The following NOVA1 variants were observed in gnomAD, a reference collection of about 807,000 sequenced individuals.
The protein encoded by NOVA1 is RNA-binding protein Nova-1.
A neutral mutation model predicts 38.0 loss-of-function variants in NOVA1; 7 were observed. The observed-to-expected ratio is 0.18, with a 90% CI of 0.10 to 0.35. The LOEUF is 0.35. NOVA1 is among the 10% of genes least tolerant of loss of function. The probability of loss-of-function intolerance (pLI) is 1.00; values close to 1 mark genes in which losing one functional copy is unlikely to be tolerated. For missense variants in NOVA1, 460 were observed against 616.0 expected (o/e 0.75, Z 2.68); for synonymous variants, 270 against 232.5 (o/e 1.16, Z -1.47).
chr14:26,498,514 A>G (rs1886987354), intron 2 of NOVA1, among the ~76,000 whole-genome samples: 1 of 152,120 alleles, frequency 6.6e-6, no homozygotes, highest in Admixed American at 6.5e-5. Context: ...TATTCAGAAA[A>G]TGCCATATTA....
At chr14:26,563,923 G>A (rs778298858) in intron 2 of NOVA1, among the ~76,000 whole-genome samples, 2 of 152,008 alleles carry the variant, frequency 1.3e-5, no homozygotes, top group Non-Finnish European at 2.9e-5. Context: ...TGGTTTTCAG[G>A]TTGTATCTGA....
intron 2 of NOVA1, among the ~76,000 whole-genome samples, chr14:26,553,052 G>A (rs558184254): frequency 1.2e-4 from 18 of 152,240 alleles, no homozygotes; most frequent in African/African-American, 4.1e-4. Flanking sequence ...TTGACTGAGG[G>A]AATGATATAA....
chr14:26,492,960 A>G (rs892498205), intron 2 of NOVA1, among the ~76,000 whole-genome samples: 13 of 152,222 alleles, frequency 8.5e-5, no homozygotes, highest in Non-Finnish European at 1.3e-4. Context: ...TAAAATTAAA[A>G]ATAAGTAAAT....
At chr14:26,575,649 TATCA>T (rs1476409425) in intron 2 of NOVA1, among the ~76,000 whole-genome samples, 5 of 152,076 alleles carry the variant, frequency 3.3e-5, no homozygotes, top group African/African-American at 4.8e-5. Context: ...TTATCACATA[TATCA>T]ACAAGCCTAC....
intron 2 of NOVA1, among the ~76,000 whole-genome samples, chr14:26,484,869 T>C (rs1433362523): frequency 6.6e-6 from 1 of 152,092 alleles, no homozygotes; most frequent in Non-Finnish European, 1.5e-5. Flanking sequence ...GTTCATTAAC[T>C]CATTTGATAA....
intron 2 of NOVA1, among the ~76,000 whole-genome samples, chr14:26,523,782 GCT>G: frequency 8.4e-6 from 1 of 119,454 alleles, no homozygotes; most frequent in Admixed American, 1.2e-4. Flanking sequence ...ACGGACTCTC[GCT>G]CTGTCGCCCA....
At chr14:26,568,428 T>G (rs955793100) in intron 2 of NOVA1, 3 of 152,156 alleles carry the variant, frequency 2.0e-5, no homozygotes, top group Admixed American at 6.5e-5. Flanking sequence ...ACCTTATTTC[T>G]GAAATGGTTA....
chr14:26,522,460 T>A (rs993736205), intron 2 of NOVA1, among the ~76,000 whole-genome samples: 1 of 152,164 alleles, frequency 6.6e-6, no homozygotes, highest in African/African-American at 2.4e-5. Flanking sequence ...AAGTTTAAGT[T>A]TTGCAAGTAA....
rs1218564754 is a variant in NOVA1 at position 26,446,228 on chromosome 14, T to A, written c.*1731A>T. ...TTATTAATAGTGGAAGGGGAAGGGA[T>A]CAGGAAATAATTTCAAGTTCTCAAT... On this transcript the variant is annotated 3_prime_UTR_variant, in exon 5 of 5. Transcript: ENST00000539517. The A allele has an allele frequency of 6.6e-6, 1 of 151,484 alleles. No individual in the cohort carries two copies. The highest frequency in any genetic ancestry group is 2.4e-5 in the African/African-American group (1 of 41,162). 9.4% of individuals were successfully genotyped at this position (151,484 alleles called of 1,614,324 possible). A position where few individuals can be genotyped will look rare whatever the true frequency, so the allele number is the denominator to read the frequency against.
At chr14:26,568,332 T>C (rs1814180910) in intron 2 of NOVA1, 1 of 152,200 alleles carries the variant, frequency 6.6e-6, no homozygotes, top group Non-Finnish European at 1.5e-5. Context: ...GAGGCAGTGC[T>C]ATACAATGTA....
At chr14:26,590,263 T>C (rs1893762999) in intron 2 of NOVA1, among the ~76,000 whole-genome samples, 1 of 151,926 alleles carries the variant, frequency 6.6e-6, no homozygotes. Context: ...CAGATGTTGT[T>C]TAACTTTATG....
intron 2 of NOVA1, among the ~76,000 whole-genome samples, chr14:26,499,077 A>C (rs2138396373): frequency 6.6e-6 from 1 of 152,346 alleles, no homozygotes; most frequent in African/African-American, 2.4e-5. Context: ...AAAGTAGCAA[A>C]TATGTAGGAT....
chr14:26,597,092 A>G, intron 1 of NOVA1: 1 of 1,231,578 alleles, frequency 8.1e-7, no homozygotes, highest in Non-Finnish European at 1.0e-6. Context: ...TGATAAACAC[A>G]GAAATGGAAA....
intron 2 of NOVA1, among the ~76,000 whole-genome samples, chr14:26,545,745 A>C (rs1313682737): frequency 6.6e-6 from 1 of 152,164 alleles, no homozygotes. Context: ...AGCAATTTAC[A>C]CTTGATTAAT....
At chr14:26,502,552 TA>T (rs1166419216) in intron 2 of NOVA1, among the ~76,000 whole-genome samples, 4 of 151,056 alleles carry the variant, frequency 2.6e-5, no homozygotes, top group African/African-American at 7.3e-5. Context: ...ATGAAAAATG[TA>T]AATCTAATTA....
chr14:26,477,666 T>A (rs1283385623), intron 3 of NOVA1, among the ~76,000 whole-genome samples: 1 of 152,050 alleles, frequency 6.6e-6, no homozygotes, highest in Non-Finnish European at 1.5e-5. Context: ...AACTATTTTA[T>A]ACTGAATAAC....
At chr14:26,539,334 A>G (rs1295984710) in intron 2 of NOVA1, among the ~76,000 whole-genome samples, 1 of 152,186 alleles carries the variant, frequency 6.6e-6, no homozygotes, top group Non-Finnish European at 1.5e-5. Context: ...AAAACTTGTG[A>G]TAGTTATAAT....
chr14:26,542,978 A>C (rs535652122), intron 2 of NOVA1, among the ~76,000 whole-genome samples: 1 of 152,068 alleles, frequency 6.6e-6, no homozygotes, highest in South Asian at 2.1e-4. Flanking sequence ...CCTAAGAATA[A>C]ATAAACACCA....
chr14:26,461,236 A>T lies in NOVA1; in HGVS notation c.519+11084T>A, dbSNP rs144379300. On this transcript the variant is annotated intron_variant, in intron 4 of 4. Transcript: ENST00000539517. The stretch of plus-strand genomic sequence containing the variant: ...GTAAAAAAAGGAATGTTACAGAGCG[A>T]CTATTTCATTAACTCTTTCCCCTGA... Among the ~76,000 whole-genome samples, 16 of 152,294 alleles carry T rather than the reference A, an allele frequency of 1.1e-4. No homozygotes were observed. In the East Asian group the frequency reaches 3.1e-3, roughly 29 times the overall value.
Sources: allele counts gnomAD v4.1 joint callset (sites outside exome capture counted in the v4.1 genomes callset), GRCh38; gene constraint gnomAD v4.1.1; transcripts MANE v1.5; gene names NCBI Gene and HGNC (gene_info 2026-07-23, HGNC 2026-07-21).